HPSE2: variants seen among roughly 807,000 people sequenced by gnomAD.
HPSE2 encodes inactive heparanase-2.
In HPSE2, 38 loss-of-function variants were observed where a neutral mutation model predicts 60.5. The ratio of observed to expected loss-of-function variants is 0.63; its 90% CI spans 0.48 to 0.82. The LOEUF (loss-of-function observed/expected upper bound fraction) is 0.82, where lower values mean the gene tolerates loss of function less well. Ranked by LOEUF, HPSE2 falls within the 40% of genes least tolerant of loss-of-function variation. HPSE2 has a pLI of 0.00. For synonymous variants in HPSE2, 295 were observed against 293.2 expected (o/e 1.01, Z -0.06); for missense variants, 713 against 740.4 (o/e 0.96, Z 0.43).
intron 6 of HPSE2, among the ~76,000 whole-genome samples, chr10:98,678,785 T>C (rs1013476596): frequency 6.6e-6 from 1 of 152,110 alleles, no homozygotes; most frequent in Non-Finnish European, 1.5e-5. Flanking sequence ...TTTTTGGAGA[T>C]AAAATTGTAA....
chr10:98,816,400 G>A (rs954802649), intron 3 of HPSE2, among the ~76,000 whole-genome samples: 5 of 152,082 alleles, frequency 3.3e-5, no homozygotes, highest in Non-Finnish European at 7.4e-5. Flanking sequence ...CAGCATAAAC[G>A]ATGGAGAGTG....
chr10:98,852,654 T>C (rs1952209646), intron 3 of HPSE2, among the ~76,000 whole-genome samples: 1 of 152,202 alleles, frequency 6.6e-6, no homozygotes, highest in Admixed American at 6.5e-5. Flanking sequence ...TCCAATTACA[T>C]TTCTACATGG....
intron 5 of HPSE2, among the ~76,000 whole-genome samples, chr10:98,711,319 A>G (rs958534221): frequency 6.6e-6 from 1 of 152,136 alleles, no homozygotes; most frequent in Non-Finnish European, 1.5e-5. Flanking sequence ...TCACATGAAA[A>G]AGCAAACTTT....
At chr10:98,503,307 C>A (rs1942090204) in intron 9 of HPSE2, among the ~76,000 whole-genome samples, 1 of 151,600 alleles carries the variant, frequency 6.6e-6, no homozygotes, top group African/African-American at 2.4e-5. Flanking sequence ...ATCGAAACCA[C>A]AATGCAATAC....
At chr10:99,062,637 A>G (rs1751779105) in intron 3 of HPSE2, among the ~76,000 whole-genome samples, 1 of 152,292 alleles carries the variant, frequency 6.6e-6, no homozygotes, top group African/African-American at 2.4e-5. Flanking sequence ...CAAGGGAACC[A>G]CTGAGATTTC....
At chr10:98,880,822 A>G (rs7910696) in intron 3 of HPSE2, among the ~76,000 whole-genome samples, 97,719 of 151,812 alleles carry the variant, frequency 0.64, 32,528 homozygotes, top group South Asian at 0.79. Flanking sequence ...TGTTAAAAAC[A>G]AAGAAGCAAA....
At chr10:99,282,159 C>G in the HPSE2 span, among the ~76,000 whole-genome samples, 4 of 151,656 alleles carry the variant, frequency 2.6e-5, no homozygotes, top group African/African-American at 9.7e-5. Flanking sequence ...CTCAGGAGGT[C>G]GAGGCAGGAG....
intron 3 of HPSE2, among the ~76,000 whole-genome samples, chr10:99,044,702 G>A (rs1266682614): frequency 6.6e-6 from 1 of 150,542 alleles, no homozygotes. Context: ...AAAAAAAATA[G>A]CAGGAATTGT....
rs1313413051 is a variant in HPSE2, at chr10:99,132,229, G to GAAAGAA, written c.610+12008_610+12009insTTCTTT. On this transcript the variant is annotated intron_variant, in intron 3 of 11. Transcript: ENST00000370552. Reference sequence around the variant, plus strand: ...AGAGAGAGAGAGAGAGAGAGAGAGAGAGAGAGAGAGAGAGAAAGAAAGAAA... The same window carrying GAAAGAA: ...AGAGAGAGAGAGAGAGAGAGAGAGAGAAAGAAAGAGAGAGAGAGAGAAAGAAAGAAA... Among the ~76,000 whole-genome samples, 45 of 16,724 alleles carry GAAAGAA rather than the reference G, an allele frequency of 2.7e-3. 1 individual carries two copies. The highest frequency in any genetic ancestry group is 0.01 in the East Asian group (2 of 200). 11.0% of individuals were successfully genotyped at this position (16,724 alleles called of 152,430 possible). A position where few individuals can be genotyped will look rare whatever the true frequency, so the allele number is the denominator to read the frequency against.
chr10:99,292,520 T>C, the HPSE2 span, among the ~76,000 whole-genome samples: 1 of 152,102 alleles, frequency 6.6e-6, no homozygotes, highest in African/African-American at 2.4e-5. Context: ...AGACAGCCTC[T>C]GCACTCATGG....
At chr10:99,284,548 A>G in the HPSE2 span, among the ~76,000 whole-genome samples, 1 of 152,164 alleles carries the variant, frequency 6.6e-6, no homozygotes, top group African/African-American at 2.4e-5. Context: ...TTAGAAGAAA[A>G]CATGGGCAAA....
At chr10:98,762,275 C>A (rs1441577912) in intron 3 of HPSE2, among the ~76,000 whole-genome samples, 1 of 127,468 alleles carries the variant, frequency 7.8e-6, no homozygotes, top group Non-Finnish European at 1.5e-5. Flanking sequence ...TCTCACAGAA[C>A]TGAAAACCTG....
At chr10:99,304,990 G>C in the HPSE2 span, among the ~76,000 whole-genome samples, 41 of 152,218 alleles carry the variant, frequency 2.7e-4, no homozygotes, top group Non-Finnish European at 5.6e-4. Context: ...AACAAAGACT[G>C]GTTAGGGAAA....
intron 3 of HPSE2, among the ~76,000 whole-genome samples, chr10:98,827,282 C>G (rs908749947): frequency 2.0e-5 from 3 of 152,072 alleles, no homozygotes; most frequent in African/African-American, 4.8e-5. Context: ...CTCGGCTCAC[C>G]ACAAGCTCTG....
At chr10:98,473,189 G>A (rs569862350) in intron 11 of HPSE2, among the ~76,000 whole-genome samples, 1 of 152,214 alleles carries the variant, frequency 6.6e-6, no homozygotes, top group South Asian at 2.1e-4. Flanking sequence ...GATGAGGTAA[G>A]AAAATTGAAA....
At chr10:98,544,702 G>C (rs1217075936) in intron 9 of HPSE2, among the ~76,000 whole-genome samples, 2 of 93,032 alleles carry the variant, frequency 2.1e-5, no homozygotes, top group African/African-American at 8.7e-5. Context: ...GACAGAGCGA[G>C]ACTCCGTCTC....
chr10:98,692,194 C>T (rs1045476533), intron 6 of HPSE2, among the ~76,000 whole-genome samples: 3 of 151,968 alleles, frequency 2.0e-5, no homozygotes, highest in Admixed American at 6.6e-5. Flanking sequence ...GCTGGCCACA[C>T]GAAGAGTAGG....
At chr10:98,868,689 T>G (rs1271083627) in intron 3 of HPSE2, among the ~76,000 whole-genome samples, 12 of 152,160 alleles carry the variant, frequency 7.9e-5, no homozygotes, top group Non-Finnish European at 1.6e-4. Flanking sequence ...CTCAGCACAT[T>G]AACTTCCAGT....
chr10:98,827,972 G>A (rs934613555), intron 3 of HPSE2, among the ~76,000 whole-genome samples: 4 of 152,140 alleles, frequency 2.6e-5, no homozygotes, highest in African/African-American at 9.7e-5. Context: ...CATCCAATCA[G>A]TTGAAAGCTT....
Sources: gnomAD v4.1 joint callset for allele counts (sites outside exome capture counted in the v4.1 genomes callset) on GRCh38, gnomAD v4.1.1 for gene constraint, MANE v1.5 for transcripts, NCBI Gene and HGNC (gene_info 2026-07-23, HGNC 2026-07-21) for gene names.